TUBGCP4: variants seen among roughly 807,000 people sequenced by gnomAD.
The protein encoded by TUBGCP4 is tubulin gamma complex component 4.
In TUBGCP4, 54 loss-of-function variants were observed where a neutral mutation model predicts 91.6. The ratio of observed to expected loss-of-function variants is 0.59; its 90% CI spans 0.47 to 0.74. The LOEUF (loss-of-function observed/expected upper bound fraction) is 0.74. TUBGCP4 is among the 30% of genes least tolerant of loss of function. TUBGCP4 has a pLI of 0.00. For synonymous variants in TUBGCP4, 297 were observed against 302.8 expected (o/e 0.98, Z 0.20); for missense variants, 593 against 800.9 (o/e 0.74, Z 3.13).
rs769458190 is a variant in TUBGCP4 at position 43,386,312 on chromosome 15, T to C, written c.996T>C (p.Ile332=). The part of the protein sequence containing the change: ...LVDFEQVVDR[I]RSTVAEHLWK... ...ACTTTGAACAGGTGGTGGATCGCAT[T>C]CGCAGCACTGTGGCTGAGGTTTGTG... is the stretch of plus-strand genomic sequence containing the variant. The change falls in exon 9 of 18, where the codon ATT becomes ATC. Residue 332 remains isoleucine, a synonymous_variant. Transcript: ENST00000564079. 6.5e-7 allele frequency: 1 copy of C among 1,542,594 alleles called. No individual in the cohort carries two copies. The highest frequency in any genetic ancestry group is 1.1e-5 in the South Asian group (1 of 87,572).
rs754043180 is a variant in TUBGCP4 at position 43,376,617 on chromosome 15, G to A, written c.322G>A (p.Glu108Lys). ...TTATCGCCAAGCACTGCTTGATTTG[G>A]AACAAGAGGTAAGAAGGAGGAGATA... is the stretch of plus-strand genomic sequence containing the variant. ...QPYRQALLDL[E>K]QEFLGDPHLS... The change falls in exon 3 of 18, where the codon GAA becomes AAA. Residue 108 changes from glutamate (E) to lysine (K), a missense_variant. By Grantham distance (56) the Glu-to-Lys change is moderately conservative. Transcript: ENST00000564079. 2.5e-6 allele frequency: 4 copies of A among 1,614,140 alleles called. No individual in the cohort carries two copies. In the South Asian group the frequency reaches 4.4e-5, roughly 18 times the overall value.
chr15:43,399,160 C>A, intron 13 of TUBGCP4: 1 of 1,253,758 alleles, frequency 8.0e-7, no homozygotes, highest in Non-Finnish European at 1.0e-6. Flanking sequence ...CTTCTGCAAG[C>A]CTACCTACAA....
At chr15:43,377,369 T>G (rs2044221026) in intron 4 of TUBGCP4, among the ~76,000 whole-genome samples, 1 of 152,144 alleles carries the variant, frequency 6.6e-6, no homozygotes, top group Admixed American at 6.5e-5. Flanking sequence ...ACACCTCTAA[T>G]CCCAGCACTT....
intron 9 of TUBGCP4, among the ~76,000 whole-genome samples, chr15:43,388,433 T>C (rs1595488145): frequency 6.6e-6 from 1 of 152,246 alleles, no homozygotes; most frequent in African/African-American, 2.4e-5. Flanking sequence ...TGAATCTTTC[T>C]GGGCAAGTAA....
intron 7 of TUBGCP4, 60 bp from the exon 8 acceptor site, chr15:43,385,731 T>A: frequency 1.3e-6 from 2 of 1,573,020 alleles, no homozygotes; most frequent in Non-Finnish European, 8.7e-7. Flanking sequence ...ACTAGGTATT[T>A]TCTTGTTTTC....
chr15:43,397,130 T>C (rs1003504307), intron 11 of TUBGCP4, 84 bp from the exon 12 acceptor site: 5 of 908,506 alleles, frequency 5.5e-6, no homozygotes, highest in African/African-American at 3.2e-5. Context: ...ATTGAGCATG[T>C]TGGGGGAGAA....
In TUBGCP4 at chr15:43,406,410, T is replaced by A; in HGVS notation, c.*1196T>A. The A allele has an allele frequency of 5.9e-6, 2 of 339,666 alleles. No individual in the cohort carries two copies. The highest frequency in any genetic ancestry group is 4.8e-5 in the South Asian group (2 of 41,654). 21.0% of individuals were successfully genotyped at this position (339,666 alleles called of 1,614,324 possible). On this transcript the variant is annotated 3_prime_UTR_variant, in exon 18 of 18. Coordinates refer to ENST00000564079, the MANE Select transcript of TUBGCP4 (RefSeq NM_014444.5). ...AACTAAAGATCACCCTTTCTACTGC[T>A]GTCTCTGGAGCAGGAGCTGGCAAAC...
intron 9 of TUBGCP4, among the ~76,000 whole-genome samples, chr15:43,386,978 A>C (rs1202716905): frequency 6.6e-6 from 1 of 152,188 alleles, no homozygotes; most frequent in Non-Finnish European, 1.5e-5. Flanking sequence ...TTAAATTCTG[A>C]AAATCAGCAT....
At chr15:43,386,745 A>AAAAAAAAAAT (rs1555394895) in intron 9 of TUBGCP4, among the ~76,000 whole-genome samples, 1 of 151,300 alleles carries the variant, frequency 6.6e-6, no homozygotes, top group African/African-American at 2.4e-5. Context: ...AAAAAAAAAA[A>AAAAAAAAAAT]AAAAGACACT....
At chr15:43,385,388 G>A (rs1050929301) in intron 7 of TUBGCP4, 1 of 458,000 alleles carries the variant, frequency 2.2e-6, no homozygotes, top group Non-Finnish European at 4.4e-6. Flanking sequence ...CGATGTGATT[G>A]TATAGGAAGT....
In TUBGCP4 at chr15:43,403,690, A is replaced by G. The variant is rs2142896137; in HGVS notation, c.1739A>G (p.His580Arg). 1 of 1,611,786 alleles carries G rather than the reference A, an allele frequency of 6.2e-7. No homozygotes were observed. The change falls in exon 16 of 18, where the codon CAC (histidine) becomes CGC (arginine). Residue 580 changes from histidine (H) to arginine (R), a missense_variant. Transcript: ENST00000564079. ...QSFILLKPVF[H>R]CLNEILDLCH... The stretch of plus-strand genomic sequence containing the variant: ...ACTCTGTTTCCCGGGTAGGTGTTTC[A>G]CTGCCTGAATGAAATCCTAGATCTC...
chr15:43,401,767 A>G lies in TUBGCP4; in HGVS notation c.1648A>G (p.Thr550Ala), dbSNP rs1595500596. 1 of 1,614,134 alleles carries G rather than the reference A, an allele frequency of 6.2e-7. No homozygotes were observed. The highest frequency in any genetic ancestry group is 8.5e-7 in the Non-Finnish European group (1 of 1,179,998). Residue 550 changes from threonine (T) to alanine (A), a missense_variant, in exon 15 of 18, where the codon ACC becomes GCC. Physicochemically the swap from Thr to Ala is moderately conservative, Grantham distance 58. Coordinates refer to ENST00000564079, the MANE Select transcript of TUBGCP4 (RefSeq NM_014444.5). ...CCAGCTGCTTCATCAGATCAATTCT[A>G]CCCGAGACTTTGAAAGCATCCGATT... is the stretch of plus-strand genomic sequence containing the variant. Reference protein sequence around the residue: ...FSQLLHQINSTRDFESIRLAH... With the variant: ...FSQLLHQINSARDFESIRLAH...
At position 43,406,034 on chromosome 15, in the gene TUBGCP4, C is replaced by CCGTCT. The variant is rs1380201724; in HGVS notation, c.*822_*826dup. Reference sequence around the variant, plus strand: ...CAGCCCGGGCAACAAGAGCGAAATTCCGTCTCAAAAAAAAAAAAAAAAAAA... The same window carrying CCGTCT: ...CAGCCCGGGCAACAAGAGCGAAATTCCGTCTCGTCTCAAAAAAAAAAAAAAAAAAA... On this transcript the variant is annotated 3_prime_UTR_variant, in exon 18 of 18. Transcript: ENST00000564079. 1 of 103,892 alleles carries CCGTCT rather than the reference C, an allele frequency of 9.6e-6. No individual in the cohort carries two copies. The highest frequency in any genetic ancestry group is 1.7e-5 in the Non-Finnish European group (1 of 58,482). The allele number at this position is 103,892 out of a possible 1,614,324, so 6.4% of individuals were successfully genotyped here. A position where few individuals can be genotyped will look rare whatever the true frequency, so the allele number is the denominator to read the frequency against.
chr15:43,404,073 C>T (rs1004181300), intron 16 of TUBGCP4: 26 of 524,564 alleles, frequency 5.0e-5, no homozygotes, highest in Non-Finnish European at 7.5e-5. Flanking sequence ...CATCCTCCCC[C>T]CTCCTTACTT....
At chr15:43,383,807 G>GA (rs1244592689) in intron 7 of TUBGCP4, among the ~76,000 whole-genome samples, 3 of 144,706 alleles carry the variant, frequency 2.1e-5, no homozygotes, top group Non-Finnish European at 4.6e-5. Flanking sequence ...TTGGAGTTTT[G>GA]TTTTTTTTTT....
rs534371194 is a variant in TUBGCP4, at chr15:43,399,972, T to C, written c.1419-72T>C. On this transcript the variant is annotated intron_variant, in intron 13 of 17. Transcript: ENST00000564079. ...GAGAGGAGTGGGTGGCACAAAGTCC[T>C]AGAGTCTGTCGTGTGGGGGAAGTGC... The C allele has an allele frequency of 7.6e-6, 10 of 1,307,274 alleles. No individual in the cohort carries two copies. The South Asian group carries it at 1.2e-4, about 16-fold the overall frequency. The allele number at this position is 1,307,274 out of a possible 1,614,324, so 81.0% of individuals were successfully genotyped here.
intron 3 of TUBGCP4, 111 bp downstream of exon 3, chr15:43,376,736 G>A: frequency 6.9e-7 from 1 of 1,456,966 alleles, no homozygotes; most frequent in Non-Finnish European, 9.4e-7. Flanking sequence ...GCAGTTGCCT[G>A]CATGGCTGGA....
At position 43,406,579 on chromosome 15, in the gene TUBGCP4, T is replaced by C. The variant is rs2044893608; in HGVS notation, c.*1365T>C. 4.4e-6 allele frequency: 2 copies of C among 455,824 alleles called. No homozygotes were observed. Among genetic ancestry groups the C allele is most frequent in the Admixed American group, 2.4e-5 (1 of 42,550 alleles). 28.2% of individuals were successfully genotyped at this position (455,824 alleles called of 1,614,324 possible). A position where few individuals can be genotyped will look rare whatever the true frequency, so the allele number is the denominator to read the frequency against. On this transcript the variant is annotated 3_prime_UTR_variant, in exon 18 of 18. Transcript: ENST00000564079. ...CAAATGGCCCACAAAGCCTGAAATA[T>C]TTACTCTTTGACCCTTTACAGAAAA...
intron 5 of TUBGCP4, among the ~76,000 whole-genome samples, chr15:43,378,969 T>A (rs1046782218): frequency 2.0e-5 from 3 of 152,216 alleles, no homozygotes; most frequent in Non-Finnish European, 4.4e-5. Context: ...CAAATAGAGT[T>A]AATGAGGACA....
Sources: gnomAD v4.1 joint callset for allele counts (sites outside exome capture counted in the v4.1 genomes callset) on GRCh38, gnomAD v4.1.1 for gene constraint, MANE v1.5 for transcripts, NCBI Gene and HGNC (gene_info 2026-07-23, HGNC 2026-07-21) for gene names.